The following TMEM245 variants were observed in gnomAD, a reference collection of about 807,000 sequenced individuals.
TMEM245 encodes transmembrane protein 245, also known as protein CG-2.
In TMEM245, 69 loss-of-function variants were observed where a neutral mutation model predicts 101.2. The observed-to-expected ratio is 0.68, with a 90% CI of 0.56 to 0.83. The LOEUF (loss-of-function observed/expected upper bound fraction) is 0.83. Ranked by LOEUF, TMEM245 falls within the 40% of genes least tolerant of loss-of-function variation. TMEM245 has a pLI of 0.00. For synonymous variants in TMEM245, 537 were observed against 449.8 expected, an observed-to-expected ratio of 1.19 and a Z score of -2.45; for missense variants, 1,075 against 1,092.8, an observed-to-expected ratio of 0.98 and a Z score of 0.23.
rs533543325 is a variant in TMEM245 at position 109,016,926 on chromosome 9, G to C, written c.*3534C>G. 1 of 146,050 alleles carries C rather than the reference G, an allele frequency of 6.8e-6. No homozygotes were observed. Among genetic ancestry groups the C allele is most frequent in the East Asian group, 2.0e-4 (1 of 5,096 alleles). 9.0% of individuals were successfully genotyped at this position (146,050 alleles called of 1,614,324 possible). On this transcript the variant is annotated 3_prime_UTR_variant, in exon 18 of 18. Coordinates refer to ENST00000374586, the MANE Select transcript of TMEM245 (RefSeq NM_032012.4). Reference sequence around the variant, plus strand: ...GGGCTAGAGTATGAGAAGTCCTAAGGGTTTTTGTATTTTGTTTTTTTTTCC... The same window carrying C: ...GGGCTAGAGTATGAGAAGTCCTAAGCGTTTTTGTATTTTGTTTTTTTTTCC...
intron 1 of TMEM245, among the ~76,000 whole-genome samples, chr9:109,116,971 G>T (rs1588086826): frequency 6.6e-6 from 1 of 152,022 alleles, no homozygotes; most frequent in African/African-American, 2.4e-5. Flanking sequence ...TGACCTGAAG[G>T]TTCTTTCAAA....
At chr9:109,029,356 G>A (rs1000247943) in intron 17 of TMEM245, among the ~76,000 whole-genome samples, 1 of 152,112 alleles carries the variant, frequency 6.6e-6, no homozygotes, top group African/African-American at 2.4e-5. Flanking sequence ...GTGCCCATCA[G>A]GACAGAAACC....
chr9:109,032,509 C>T (rs1000270217), intron 17 of TMEM245, among the ~76,000 whole-genome samples: 1 of 150,386 alleles, frequency 6.6e-6, no homozygotes, highest in African/African-American at 2.4e-5. Flanking sequence ...CTCAGCCTCC[C>T]GAGTAGCTGG....
intron 4 of TMEM245, among the ~76,000 whole-genome samples, chr9:109,092,305 A>G (rs2132574815): frequency 8.0e-6 from 1 of 125,706 alleles, no homozygotes; most frequent in East Asian, 2.4e-4. Flanking sequence ...TAGCCCACCA[A>G]GTGCTGTATC....
intron 12 of TMEM245, among the ~76,000 whole-genome samples, chr9:109,056,933 G>A (rs1588039472): frequency 6.6e-6 from 1 of 152,080 alleles, no homozygotes; most frequent in Admixed American, 6.5e-5. Flanking sequence ...ACAAAGGCAG[G>A]TGCCTCTCCA....
chr9:109,042,839 ATTTTTTT>A lies in TMEM245; in HGVS notation c.2124-4729_2124-4723del, dbSNP rs754295748. Among the ~76,000 whole-genome samples the A allele has an allele frequency of 4.0e-3, 467 of 115,520 alleles. 3 individuals carry two copies. The highest frequency in any genetic ancestry group is 0.015 in the African/African-American group (445 of 29,624). 75.8% of individuals were successfully genotyped at this position (115,520 alleles called of 152,430 possible). A position where few individuals can be genotyped will look rare whatever the true frequency, so the allele number is the denominator to read the frequency against. On this transcript the variant is annotated intron_variant, in intron 14 of 17. Transcript: ENST00000374586. ...AAAATAAATAAAGGTATAGCTGACAATTTTTTTTTTTTTTTTTTTTTTTTGAGACTGG... is the reference window on the plus strand; with the variant it reads ...AAAATAAATAAAGGTATAGCTGACAATTTTTTTTTTTTTTTTTGAGACTGG...
chr9:109,108,078 C>G (rs1178682368), intron 2 of TMEM245, among the ~76,000 whole-genome samples: 2 of 152,132 alleles, frequency 1.3e-5, no homozygotes, highest in African/African-American at 2.4e-5. Flanking sequence ...CTCCTCTTAT[C>G]CAGAGTAAAC....
intron 4 of TMEM245, 28 bp from the exon 5 acceptor site, chr9:109,091,183 A>G (rs201474111): frequency 1.3e-6 from 2 of 1,581,860 alleles, no homozygotes; most frequent in East Asian, 2.2e-5. Context: ...AACACCACAC[A>G]CCGCATTAGT....
At chr9:109,021,516 G>A (rs1260809926) in intron 17 of TMEM245, among the ~76,000 whole-genome samples, 3 of 151,664 alleles carry the variant, frequency 2.0e-5, no homozygotes, top group Non-Finnish European at 4.4e-5. Flanking sequence ...TGTTTGTTTT[G>A]TTTTGTTTTG....
chr9:109,032,807 C>CTTTTTTTT (rs568749155), intron 17 of TMEM245, among the ~76,000 whole-genome samples: 1 of 123,162 alleles, frequency 8.1e-6, no homozygotes, highest in Non-Finnish European at 1.7e-5. Flanking sequence ...CAATATAGGT[C>CTTTTTTTT]TTTTTTTTTT....
chr9:109,083,242 G>T (rs1319398399), intron 7 of TMEM245, among the ~76,000 whole-genome samples: 6 of 152,072 alleles, frequency 3.9e-5, no homozygotes, highest in South Asian at 2.1e-4. Context: ...AATAGAAAAA[G>T]ACTCACAAAG....
chr9:109,057,877 G>A (rs1269572174), intron 11 of TMEM245, among the ~76,000 whole-genome samples: 1 of 149,682 alleles, frequency 6.7e-6, no homozygotes, highest in Non-Finnish European at 1.5e-5. Flanking sequence ...CATTTGCAAA[G>A]ACATCTTATT....
At chr9:109,051,737 A>G (rs1828693382) in intron 12 of TMEM245, among the ~76,000 whole-genome samples, 1 of 152,162 alleles carries the variant, frequency 6.6e-6, no homozygotes, top group South Asian at 2.1e-4. Context: ...GGAATATGCT[A>G]GAGTACAACC....
At chr9:109,108,933 T>G (rs147224693) in intron 1 of TMEM245, among the ~76,000 whole-genome samples, 9 of 152,242 alleles carry the variant, frequency 5.9e-5, no homozygotes, top group African/African-American at 2.2e-4. Flanking sequence ...TTGATCAATG[T>G]TTAGAAAAGA....
chr9:109,025,922 T>C (rs2132282557), intron 17 of TMEM245, among the ~76,000 whole-genome samples: 1 of 152,334 alleles, frequency 6.6e-6, no homozygotes, highest in South Asian at 2.1e-4. Flanking sequence ...CCTACAATCT[T>C]TCCTTAGGGA....
intron 3 of TMEM245, among the ~76,000 whole-genome samples, chr9:109,102,806 T>C (rs1246635317): frequency 6.6e-6 from 1 of 152,248 alleles, no homozygotes; most frequent in Admixed American, 6.5e-5. Flanking sequence ...AGTAATCTGC[T>C]CTTGGAGTTT....
chr9:109,097,473 G>A (rs1286449148), intron 3 of TMEM245, among the ~76,000 whole-genome samples: 1 of 152,198 alleles, frequency 6.6e-6, no homozygotes, highest in Non-Finnish European at 1.5e-5. Flanking sequence ...GGTGAGGAAA[G>A]AAGACTCCCC....
At chr9:109,058,620 T>G (rs1208554625) in intron 11 of TMEM245, among the ~76,000 whole-genome samples, 2 of 152,186 alleles carry the variant, frequency 1.3e-5, no homozygotes, top group East Asian at 1.9e-4. Context: ...TCTTCTTTTT[T>G]TAGAGACAGC....
chr9:109,081,170 T>C (rs938915142), intron 7 of TMEM245, among the ~76,000 whole-genome samples: 5 of 152,144 alleles, frequency 3.3e-5, no homozygotes, highest in African/African-American at 1.2e-4. Context: ...AGGCAGTCGA[T>C]TTCAACATAA....
Sources: allele counts gnomAD v4.1 joint callset (sites outside exome capture counted in the v4.1 genomes callset), GRCh38; gene constraint gnomAD v4.1.1; transcripts MANE v1.5; gene names NCBI Gene and HGNC (gene_info 2026-07-23, HGNC 2026-07-21).